Variants in EVC2 observed in about 807,000 individuals in gnomAD.
EVC2 encodes EvC ciliary complex subunit 2.
In EVC2, 148 loss-of-function variants were observed where a neutral mutation model predicts 149.3. The ratio of observed to expected loss-of-function variants is 0.99; its 90% confidence interval spans 0.87 to 1.14. EVC2 has a LOEUF of 1.14. EVC2 is among the 50% of genes most tolerant of loss of function. The pLI is 0.00. For missense variants in EVC2, 1,854 were observed against 1,627.3 expected (o/e 1.14, Z -2.40); for synonymous variants, 776 against 649.9 (o/e 1.19, Z -2.95).
intron 21 of EVC2, among the ~76,000 whole-genome samples, chr4:5,543,919 C>T (rs1029842774): frequency 5.3e-5 from 8 of 152,156 alleles, no homozygotes; most frequent in South Asian, 2.1e-4. Flanking sequence ...CAGCTAAGCC[C>T]GAGGGCTCCA....
Position 5,640,469 on chromosome 4 carries a change from C to T in EVC2, c.1470+45G>A, listed in dbSNP as rs769669132. ...GGGTAGATGGATAAATGACAAATCCCTGAGAGAAAGGGAAGTGAACGCCTT... is the reference window on the plus strand; with the variant it reads ...GGGTAGATGGATAAATGACAAATCCTTGAGAGAAAGGGAAGTGAACGCCTT... On this transcript the variant is annotated intron_variant, in intron 10 of 21. Coordinates refer to ENST00000344408, the MANE Select transcript of EVC2 (RefSeq NM_147127.5). The surrounding 1 kb of genome is among the most constrained non-coding windows in gnomAD (Gnocchi z 4.6). 8.1e-6 allele frequency: 13 copies of T among 1,611,406 alleles called. No homozygotes were observed. Among genetic ancestry groups the T allele is most frequent in the Non-Finnish European group, 1.0e-5 (12 of 1,177,746 alleles).
intron 17 of EVC2, among the ~76,000 whole-genome samples, chr4:5,579,905 T>C (rs1348289272): frequency 6.6e-6 from 1 of 152,140 alleles, no homozygotes; most frequent in Non-Finnish European, 1.5e-5. Flanking sequence ...CACAGCAATT[T>C]AAACTGAAAT....
chr4:5,688,529 T>C (rs1250492241), intron 5 of EVC2, among the ~76,000 whole-genome samples: 2 of 152,158 alleles, frequency 1.3e-5, no homozygotes, highest in African/African-American at 2.4e-5. Flanking sequence ...TCTGAAGCCA[T>C]GGTACCAACT....
intron 9 of EVC2, among the ~76,000 whole-genome samples, chr4:5,652,025 T>G (rs1718178868): frequency 6.6e-6 from 1 of 152,186 alleles, no homozygotes; most frequent in African/African-American, 2.4e-5. Context: ...TGGTGGGGAT[T>G]TGAGTTTTAC....
intron 9 of EVC2, among the ~76,000 whole-genome samples, chr4:5,647,968 A>T (rs1717846134): frequency 6.6e-6 from 1 of 152,210 alleles, no homozygotes; most frequent in Admixed American, 6.5e-5. Context: ...TGTAGGCAGC[A>T]GCCTCAAGAA....
In EVC2 at chr4:5,618,039, A is replaced by C. The variant is rs1019040887; in HGVS notation, c.2706+439T>G. 1.3e-5 allele frequency among the ~76,000 whole-genome samples: 2 copies of C among 152,152 alleles called. No homozygotes were observed. The highest frequency in any genetic ancestry group is 2.9e-5 in the Non-Finnish European group (2 of 68,014). ...GTCATCATCCTTTAAGACCCTGTGCAAGAGCCCCTCTTTCCCTGACCCACC... is the reference window on the plus strand; with the variant it reads ...GTCATCATCCTTTAAGACCCTGTGCCAGAGCCCCTCTTTCCCTGACCCACC... On this transcript the variant is annotated intron_variant, in intron 15 of 21. Transcript: ENST00000344408. The surrounding 1 kb of genome is among the most constrained non-coding windows in gnomAD (Gnocchi z 4.4).
intron 7 of EVC2, among the ~76,000 whole-genome samples, chr4:5,676,410 T>G (rs962556242): frequency 2.0e-5 from 3 of 152,220 alleles, no homozygotes; most frequent in African/African-American, 7.2e-5. Flanking sequence ...ATTTTTAAAC[T>G]GCCTGATGCA....
intron 16 of EVC2, among the ~76,000 whole-genome samples, chr4:5,606,079 C>T (rs1213311273): frequency 6.6e-6 from 1 of 152,164 alleles, no homozygotes; most frequent in Non-Finnish European, 1.5e-5. Context: ...GGAGGACGGA[C>T]CAATAGAGAC....
At chr4:5,632,229 A>G (rs1284937456) in intron 10 of EVC2, among the ~76,000 whole-genome samples, 197 bp from the exon 11 acceptor site, 1 of 152,224 alleles carries the variant, frequency 6.6e-6, no homozygotes, top group Non-Finnish European at 1.5e-5. Flanking sequence ...AGGCACATAC[A>G]CAATGTGTAA....
Position 5,602,758 on chromosome 4 carries a change from C to G in EVC2, c.2829+12664G>C, listed in dbSNP as rs971592200. 2.6e-5 allele frequency among the ~76,000 whole-genome samples: 4 copies of G among 152,206 alleles called. No homozygotes were observed. In the Middle Eastern group the frequency reaches 0.014, roughly 518 times the overall value. On this transcript the variant is annotated intron_variant, in intron 16 of 21. Transcript: ENST00000344408. ...ATAATGAAAGGGCTGATTTGTGGTA[C>G]AGGTTGAGTGAAGAGAGTAAAATAG...
At chr4:5,632,161 T>C (rs1716591707) in intron 10 of EVC2, 129 bp from the exon 11 acceptor site, 1 of 1,241,824 alleles carries the variant, frequency 8.1e-7, no homozygotes. Flanking sequence ...TGCATGCACA[T>C]ATGCATTACA....
chr4:5,698,571 C>T (rs1721630805), intron 1 of EVC2, among the ~76,000 whole-genome samples: 1 of 152,212 alleles, frequency 6.6e-6, no homozygotes, highest in African/African-American at 2.4e-5. Context: ...TCTAGAAAGA[C>T]TCAGACCTCT....
rs1242760301 is a variant in EVC2, at chr4:5,618,635, C to T, written c.2549G>A (p.Arg850Lys). 1 of 1,611,696 alleles carries T rather than the reference C, an allele frequency of 6.2e-7. No individual in the cohort carries two copies. ...VFSLSEEELL[R>K]MRQEVHGCFA... is the part of the protein sequence containing the mutation. ...GCAGCCATGGACCTCCTGCCTCATCCTGAGCAGCTCCTCTTCAGACAGGGA... is the reference window on the plus strand; with the variant it reads ...GCAGCCATGGACCTCCTGCCTCATCTTGAGCAGCTCCTCTTCAGACAGGGA... The change falls in exon 15 of 22, where the codon AGG becomes AAG. Residue 850 changes from arginine (R) to lysine (K), a missense_variant. Physicochemically the swap from Arg to Lys is conservative, Grantham distance 26. Transcript: ENST00000344408. This position sits in a 1 kb window ranked among gnomAD's most constrained non-coding sequence, Gnocchi z 4.4.
chr4:5,614,852 C>T lies in EVC2; in HGVS notation c.2829+570G>A, dbSNP rs1183202703. 6.6e-6 allele frequency among the ~76,000 whole-genome samples: 1 copy of T among 152,108 alleles called. No individual in the cohort carries two copies. Among genetic ancestry groups the T allele is most frequent in the African/African-American group, 2.4e-5 (1 of 41,408 alleles). On this transcript the variant is annotated intron_variant, in intron 16 of 21. Transcript: ENST00000344408. This position sits in a 1 kb window ranked among gnomAD's most constrained non-coding sequence, Gnocchi z 4.7. ...AATTAGCAGGTGTGATGGTGGGTGC[C>T]TGTAATCCCAGCTACTCGGAAGGGT...
chr4:5,547,248 C>T (rs946918349), intron 21 of EVC2, among the ~76,000 whole-genome samples: 1 of 152,264 alleles, frequency 6.6e-6, no homozygotes, highest in Non-Finnish European at 1.5e-5. Context: ...TCAGCCCCCT[C>T]TGGACTTTGG....
chr4:5,584,688 C>A lies in EVC2; in HGVS notation c.2992G>T (p.Glu998Ter), dbSNP rs762668930. 1 of 1,614,134 alleles carries A rather than the reference C, an allele frequency of 6.2e-7. No homozygotes were observed. The highest frequency in any genetic ancestry group is 1.1e-5 in the South Asian group (1 of 91,050). Residue 998 changes from glutamate to a stop codon, truncating the protein, a stop_gained, in exon 17 of 22, where the codon GAG (glutamate) becomes TAG (stop). Transcript: ENST00000344408. LOFTEE classifies it high-confidence loss of function. ...LLSIQDLLLEELSASEMLTKS... is the reference protein window; with the variant it reads ...LLSIQDLLLE ...GTCAGCATCTCAGATGCACTCAGCT[C>A]TTCCAGGAGCAAGTCCTGGATGCTG...
chr4:5,615,400 T>C (rs1247850614), intron 16 of EVC2, 22 bp downstream of exon 16: 4 of 1,614,144 alleles, frequency 2.5e-6, no homozygotes, highest in African/African-American at 1.3e-5. Flanking sequence ...GAGAAACAGC[T>C]GGGTGAAGCA....
intron 1 of EVC2, among the ~76,000 whole-genome samples, chr4:5,704,644 G>T (rs181919262): frequency 5.3e-5 from 8 of 152,312 alleles, no homozygotes; most frequent in Non-Finnish European, 1.2e-4. Flanking sequence ...TAAAGATCAA[G>T]TGAAGCACAG....
In EVC2 at chr4:5,624,721, G is replaced by C. The variant is rs543431969; in HGVS notation, c.2046+1028C>G. The stretch of plus-strand genomic sequence containing the variant: ...TTTCCATCCCTTAACCAGTGGCTCA[G>C]AGATGAATGGGGTGATGCTCAAAGG... On this transcript the variant is annotated intron_variant, in intron 13 of 21. Transcript: ENST00000344408. Among the ~76,000 whole-genome samples, 6 of 152,274 alleles carry C rather than the reference G, an allele frequency of 3.9e-5. No individual in the cohort carries two copies. In the East Asian group the frequency reaches 9.7e-4, roughly 25 times the overall value.
Sources: gnomAD v4.1 joint callset for allele counts (sites outside exome capture counted in the v4.1 genomes callset) on GRCh38, gnomAD v4.1.1 for gene constraint, Gnocchi (gnomAD v3.1) non-coding constraint, MANE v1.5 for transcripts, NCBI Gene and HGNC (gene_info 2026-07-23, HGNC 2026-07-21) for gene names.